The following ARIH2 variants were observed in gnomAD, a reference collection of about 807,000 sequenced individuals.
ARIH2 encodes the protein ariadne RBR E3 ubiquitin protein ligase 2, also known as E3 ubiquitin-protein ligase ARIH2.
In ARIH2, 12 loss-of-function variants were observed where a neutral mutation model predicts 79.8. That is an observed-to-expected ratio of 0.15 (90% CI 0.10 to 0.24). The LOEUF is 0.24. ARIH2 is among the 10% of genes least tolerant of loss of function. The pLI is 1.00. For synonymous variants in ARIH2, 224 were observed against 213.9 expected, an observed-to-expected ratio of 1.05 and a Z score of -0.41; for missense variants, 301 against 618.3, an observed-to-expected ratio of 0.49 and a Z score of 5.44.
At chr3:48,957,982 G>A (rs1339324336) in intron 3 of ARIH2, among the ~76,000 whole-genome samples, 2 of 152,104 alleles carry the variant, frequency 1.3e-5, no homozygotes, top group Non-Finnish European at 2.9e-5. Context: ...CCAAAGTGCT[G>A]GGATTACAGG....
At chr3:48,981,969 G>A (rs995651051) in intron 14 of ARIH2, among the ~76,000 whole-genome samples, 9 of 152,194 alleles carry the variant, frequency 5.9e-5, no homozygotes, top group African/African-American at 2.2e-4. Flanking sequence ...TTTAAAGGGC[G>A]ATTGGCTAAA....
At position 48,959,671 on chromosome 3, in the gene ARIH2, A is replaced by G. The variant is rs868401347; in HGVS notation, c.256-1941A>G. On this transcript the variant is annotated intron_variant, in intron 3 of 15. Coordinates refer to ENST00000356401, the MANE Select transcript of ARIH2 (RefSeq NM_006321.4). ...TACCAAAAAAAAAAAAAAAAAAAAA[A>G]AAAAGAAAAGAAAATACAGTGGCAG... Among the ~76,000 whole-genome samples, 48 of 151,076 alleles carry G rather than the reference A, an allele frequency of 3.2e-4. 1 individual carries two copies. The South Asian group carries it at 8.4e-3, about 26-fold the overall frequency.
chr3:48,968,698 C>T, intron 7 of ARIH2, 43 bp downstream of exon 7: 4 of 1,587,030 alleles, frequency 2.5e-6, no homozygotes, highest in Non-Finnish European at 3.4e-6. Flanking sequence ...CCCGGGCCTA[C>T]CTTCCATCAG....
At chr3:48,934,081 T>G (rs2086784222) in intron 3 of ARIH2, among the ~76,000 whole-genome samples, 1 of 152,182 alleles carries the variant, frequency 6.6e-6, no homozygotes, top group Non-Finnish European at 1.5e-5. Flanking sequence ...TCTCTAAGAT[T>G]CTGCTGTGGA....
At chr3:48,934,762 T>A in intron 3 of ARIH2, 1 of 985,432 alleles carries the variant, frequency 1.0e-6, no homozygotes, top group Non-Finnish European at 1.2e-6. Flanking sequence ...TGCAAAGATG[T>A]CCTTGTCTTG....
At chr3:48,964,275 G>GA (rs1259002758) in intron 4 of ARIH2, among the ~76,000 whole-genome samples, 1 of 151,178 alleles carries the variant, frequency 6.6e-6, no homozygotes, top group Non-Finnish European at 1.5e-5. Context: ...CCAAAGTGCT[G>GA]AGACTACAGG....
chr3:48,929,320 C>A (rs1345341028), intron 3 of ARIH2, among the ~76,000 whole-genome samples: 1 of 151,910 alleles, frequency 6.6e-6, no homozygotes, highest in African/African-American at 2.4e-5. Context: ...CCTGTCCGTC[C>A]GTCCGTCCGT....
At chr3:48,951,361 A>G (rs1187571835) in intron 3 of ARIH2, among the ~76,000 whole-genome samples, 2 of 152,072 alleles carry the variant, frequency 1.3e-5, no homozygotes, top group African/African-American at 4.8e-5. Flanking sequence ...CTTCAGTGCA[A>G]TGGCAAATTT....
intron 1 of ARIH2, chr3:48,919,266 C>T (rs2084388203): frequency 2.6e-6 from 3 of 1,167,286 alleles, no homozygotes; most frequent in Non-Finnish European, 2.2e-6. Context: ...GCCGGCACAT[C>T]TAGGCCCTCT....
chr3:48,977,157 G>A (rs1475093873), intron 11 of ARIH2, among the ~76,000 whole-genome samples: 2 of 151,850 alleles, frequency 1.3e-5, no homozygotes, highest in African/African-American at 4.8e-5. Flanking sequence ...AGCCAGGATC[G>A]CACCACTGCA....
intron 2 of ARIH2, among the ~76,000 whole-genome samples, chr3:48,924,550 T>C (rs2085299036): frequency 6.6e-6 from 1 of 151,898 alleles, no homozygotes; most frequent in Non-Finnish European, 1.5e-5. Flanking sequence ...TGACAGTGTC[T>C]CACTCTTGCC....
chr3:48,964,821 CA>C, intron 4 of ARIH2, 97 bp from the exon 5 acceptor site: 1 of 924,140 alleles, frequency 1.1e-6, no homozygotes, highest in Non-Finnish European at 1.7e-6. Context: ...AAAGTAGAGA[CA>C]AAGATGCTCT....
At chr3:48,945,242 G>T (rs1158880165) in intron 3 of ARIH2, 1 of 1,268,884 alleles carries the variant, frequency 7.9e-7, no homozygotes. Flanking sequence ...TTTTCTGGGG[G>T]AAAAGTCTAT....
Position 48,978,106 on chromosome 3 carries a change from C to A in ARIH2, c.962-1376C>A, listed in dbSNP as rs147059661. On this transcript the variant is annotated intron_variant, in intron 11 of 15. Transcript: ENST00000356401. ...TTTGCTTCTCATAGCAGCCTTGACA[C>A]AGATATAACAAGGCACATAGCCCAT... Among the ~76,000 whole-genome samples the A allele has an allele frequency of 2.0e-5, 3 of 152,208 alleles. No individual in the cohort carries two copies. In the East Asian group the frequency reaches 5.8e-4, roughly 29 times the overall value.
Position 48,964,978 on chromosome 3 carries a change from A to T in ARIH2, c.383A>T (p.Lys128Ile). 1 of 1,613,128 alleles carries T rather than the reference A, an allele frequency of 6.2e-7. No homozygotes were observed. The highest frequency in any genetic ancestry group is 8.5e-7 in the Non-Finnish European group (1 of 1,179,320). Residue 128 changes from lysine (K) to isoleucine (I), a missense_variant, in exon 5 of 16, where the codon AAA becomes ATA. Physicochemically the swap from Lys to Ile is moderately radical, Grantham distance 102 (BLOSUM62 -3). Around this residue, in one of 2 missense-constraint regions of ARIH2, gnomAD observed 223 missense variants for 349.4 expected, o/e 0.64. Transcript: ENST00000356401. ...VEARVQPNPS[K>I]HVPTSHPPHH... ...GCTCGAGTTCAGCCTAATCCATCAA[A>T]ACATGTGAGTGTCTATTACTTGAAT...
At chr3:48,961,753 G>T in intron 4 of ARIH2, 74 bp downstream of exon 4, 1 of 1,028,032 alleles carries the variant, frequency 9.7e-7, no homozygotes, top group Non-Finnish European at 1.5e-6. Flanking sequence ...TTTACATTTT[G>T]GACCATATTC....
intron 8 of ARIH2, among the ~76,000 whole-genome samples, chr3:48,972,905 G>A (rs1256390201): frequency 6.6e-6 from 1 of 152,038 alleles, no homozygotes; most frequent in African/African-American, 2.4e-5. Context: ...TGTAGAGATG[G>A]GATCTCACCA....
rs377208114 is a variant in ARIH2, at chr3:48,985,479, A to G, written c.*2209A>G. 2.0e-5 allele frequency: 3 copies of G among 152,212 alleles called. No homozygotes were observed. The highest frequency in any genetic ancestry group is 2.1e-4 in the South Asian group (1 of 4,834). 9.4% of individuals were successfully genotyped at this position (152,212 alleles called of 1,614,324 possible). ...TTCAACGAAAAAGTTAATTGAGGCA[A>G]TGTCATCTGCTCAAAGTTGAGTGGT... On this transcript the variant is annotated 3_prime_UTR_variant, in exon 16 of 16. Coordinates refer to ENST00000356401, the MANE Select transcript of ARIH2 (RefSeq NM_006321.4).
chr3:48,971,891 T>C (rs890394249), intron 8 of ARIH2, among the ~76,000 whole-genome samples: 2 of 152,246 alleles, frequency 1.3e-5, no homozygotes, highest in Admixed American at 1.3e-4. Context: ...GGGCCTTTTC[T>C]AGCCACAAAG....
Sources: allele counts gnomAD v4.1 joint callset (sites outside exome capture counted in the v4.1 genomes callset), GRCh38; gene constraint gnomAD v4.1.1; regional missense constraint gnomAD v4.1.1; transcripts MANE v1.5; gene names NCBI Gene and HGNC (gene_info 2026-07-23, HGNC 2026-07-21).